FOXN3: variants seen among roughly 807,000 people sequenced by gnomAD.
FOXN3 encodes the protein forkhead box N3, also known as forkhead box protein N3.
In FOXN3, 7 loss-of-function variants were observed where a neutral mutation model predicts 38.4. The ratio of observed to expected loss-of-function variants is 0.18; its 90% CI spans 0.10 to 0.34. The LOEUF is 0.34. Among genes scored for constraint, FOXN3 ranks in the 10% least tolerant of loss-of-function variants. The pLI is 1.00. For missense variants in FOXN3, 456 were observed against 613.4 expected (o/e 0.74, Z 2.71); for synonymous variants, 230 against 242.2 (o/e 0.95, Z 0.47).
intron 1 of FOXN3, among the ~76,000 whole-genome samples, chr14:89,483,502 G>A (rs879659556): frequency 5.9e-5 from 9 of 152,210 alleles, no homozygotes; most frequent in East Asian, 1.9e-4. Context: ...TCTGCCTCCC[G>A]GGTTCAAGTG....
chr14:89,487,366 A>G (rs1007198838), intron 1 of FOXN3, among the ~76,000 whole-genome samples: 2 of 152,232 alleles, frequency 1.3e-5, no homozygotes, highest in African/African-American at 4.8e-5. Flanking sequence ...TGTTAGGAGT[A>G]TATTAATTAG....
chr14:89,298,830 T>G (rs1887128812), intron 3 of FOXN3, among the ~76,000 whole-genome samples: 1 of 152,250 alleles, frequency 6.6e-6, no homozygotes, highest in Admixed American at 6.5e-5. Flanking sequence ...TGCAGCTGCC[T>G]TTGGATGTCT....
rs751794749 is a variant in FOXN3, at chr14:89,350,717, G to A, written c.635C>T (p.Pro212Leu). ...GGTGGGAGGTGTATTGAACACGTGT[G>A]GGTGTGGGTGATAAGGTGTCTTTTT... ...ALKKTPYHPH[P>L]HVFNTPPTCP... The change falls in exon 3 of 6, where the codon CCA (proline) becomes CTA (leucine). Residue 212 changes from proline to leucine, a missense_variant. Physicochemically the swap from Pro to Leu is moderately conservative, Grantham distance 98. Around this residue, in one of 3 missense-constraint regions of FOXN3, gnomAD observed 386 missense variants for 505.2 expected, o/e 0.76. Coordinates refer to ENST00000557258, the MANE Select transcript of FOXN3 (RefSeq NM_005197.4). 1.2e-6 allele frequency: 2 copies of A among 1,602,550 alleles called. No homozygotes were observed. The highest frequency in any genetic ancestry group is 1.7e-5 in the Admixed American group (1 of 57,426).
chr14:89,442,996 G>A (rs950212642), intron 1 of FOXN3, among the ~76,000 whole-genome samples: 23 of 152,244 alleles, frequency 1.5e-4, no homozygotes, highest in Non-Finnish European at 2.9e-4. Context: ...TGCTCTAAAG[G>A]AGAGAGGATA....
chr14:89,416,372 A>G (rs1891724535), intron 1 of FOXN3, among the ~76,000 whole-genome samples: 1 of 152,132 alleles, frequency 6.6e-6, no homozygotes, highest in Admixed American at 6.5e-5. Context: ...AAATCAATAA[A>G]AGCCCGCCGT....
chr14:89,499,273 TAG>T lies in FOXN3; in HGVS notation c.-14-86785_-14-86784del, dbSNP rs537650554. ...TGCCAGAGGCTGAGAAACCAAATAA[TAG>T]AGTTGATTAGAATTTTGTCTGAAAT... On this transcript the variant is annotated intron_variant, in intron 1 of 6. Coordinates refer to the FOXN3 transcript ENST00000345097. Among the ~76,000 whole-genome samples, 530 of 152,104 alleles carry T rather than the reference TAG, an allele frequency of 3.5e-3. 1 individual carries two copies. The highest frequency in any genetic ancestry group is 5.7e-3 in the Non-Finnish European group (390 of 68,012).
At chr14:89,447,814 CTTTTTTTTTTTTTT>C (rs3057950) in intron 1 of FOXN3, among the ~76,000 whole-genome samples, 1 of 92,784 alleles carries the variant, frequency 1.1e-5, no homozygotes, top group African/African-American at 4.2e-5. Flanking sequence ...GCCTTTCTTC[CTTTTTTTTTTTTTT>C]TTTTTTTTGA....
intron 2 of FOXN3, among the ~76,000 whole-genome samples, chr14:89,373,758 T>C (rs1226875712): frequency 6.6e-6 from 1 of 152,178 alleles, no homozygotes; most frequent in African/African-American, 2.4e-5. Context: ...AAGTAAAAGT[T>C]TGATAGGTCA....
At chr14:89,197,381 C>T (rs1184683805) in intron 4 of FOXN3, among the ~76,000 whole-genome samples, 1 of 152,048 alleles carries the variant, frequency 6.6e-6, no homozygotes, top group East Asian at 1.9e-4. Flanking sequence ...GTGGTGCACA[C>T]CTGTAGTCCC....
At chr14:89,505,413 T>C (rs1010710804) in intron 1 of FOXN3, among the ~76,000 whole-genome samples, 1 of 152,062 alleles carries the variant, frequency 6.6e-6, no homozygotes, top group African/African-American at 2.4e-5. Flanking sequence ...TGCCTGCGAT[T>C]GCAGGCGCGC....
chr14:89,337,636 C>CTTTTTT (rs5810454), intron 3 of FOXN3, among the ~76,000 whole-genome samples: 1 of 144,858 alleles, frequency 6.9e-6, no homozygotes, highest in Non-Finnish European at 1.5e-5. Flanking sequence ...CTTTTCTTTT[C>CTTTTTT]TTTTTTTTTT....
chr14:89,360,551 G>A (rs575187655), intron 2 of FOXN3, among the ~76,000 whole-genome samples: 11 of 89,116 alleles, frequency 1.2e-4, no homozygotes, highest in South Asian at 4.5e-4. Flanking sequence ...AGGGAGTGAC[G>A]GAAGGAGGTG....
chr14:89,505,358 T>G (rs1475302985), intron 1 of FOXN3, among the ~76,000 whole-genome samples: 1 of 145,350 alleles, frequency 6.9e-6, no homozygotes, highest in Non-Finnish European at 1.5e-5. Flanking sequence ...CCATCTCGGC[T>G]CACTGCAACC....
At chr14:89,186,438 T>A (rs186551693) in intron 4 of FOXN3, among the ~76,000 whole-genome samples, 1 of 152,046 alleles carries the variant, frequency 6.6e-6, no homozygotes, top group African/African-American at 2.4e-5. Context: ...AAGTCCTCCA[T>A]TGGGGTTAAA....
intron 4 of FOXN3, among the ~76,000 whole-genome samples, chr14:89,274,397 G>T (rs201298015): frequency 2.2e-4 from 33 of 152,232 alleles, no homozygotes; most frequent in Non-Finnish European, 2.2e-4. Context: ...ATGAAACATT[G>T]AAGGCTAAAG....
chr14:89,415,599 A>ACAG, intron 1 of FOXN3, among the ~76,000 whole-genome samples: 1 of 127,640 alleles, frequency 7.8e-6, no homozygotes, highest in Non-Finnish European at 1.7e-5. Context: ...CAAAACAACA[A>ACAG]TAACCAAAAA....
At chr14:89,449,956 A>G (rs906385444) in intron 1 of FOXN3, among the ~76,000 whole-genome samples, 5 of 152,220 alleles carry the variant, frequency 3.3e-5, no homozygotes, top group African/African-American at 1.2e-4. Context: ...GTTCAGAAAG[A>G]AGACAGAGCA....
intron 3 of FOXN3, among the ~76,000 whole-genome samples, chr14:89,282,375 T>C (rs536726735): frequency 2.2e-3 from 329 of 152,320 alleles, no homozygotes; most frequent in African/African-American, 7.6e-3. Flanking sequence ...AGCCAGGTAG[T>C]TGTGACCACA....
At chr14:89,295,364 CATTCTAACGCCTT>C in intron 3 of FOXN3, among the ~76,000 whole-genome samples, 1 of 152,312 alleles carries the variant, frequency 6.6e-6, no homozygotes, top group Admixed American at 6.5e-5. Context: ...AGTGTCTTCC[CATTCTAACGCCTT>C]ATACCTTTAA....
Sources: allele counts gnomAD v4.1 joint callset (sites outside exome capture counted in the v4.1 genomes callset), GRCh38; gene constraint gnomAD v4.1.1; regional missense constraint gnomAD v4.1.1; transcripts MANE v1.5; gene names NCBI Gene and HGNC (gene_info 2026-07-23, HGNC 2026-07-21).